The following ITGA8 variants were observed in gnomAD, a reference collection of about 807,000 sequenced individuals.
ITGA8 encodes integrin subunit alpha 8.
Under a neutral mutation model 142.3 loss-of-function variants are expected in ITGA8, and 91 were observed. The ratio of observed to expected loss-of-function variants is 0.64; its 90% CI spans 0.54 to 0.76. The LOEUF (loss-of-function observed/expected upper bound fraction) is 0.76. Ranked by LOEUF, ITGA8 falls within the 30% of genes least tolerant of loss-of-function variation. ITGA8 has a pLI of 0.00. For missense variants in ITGA8, 1,406 were observed against 1,327.7 expected, an observed-to-expected ratio of 1.06 and a Z score of -0.92; for synonymous variants, 505 against 485.2, an observed-to-expected ratio of 1.04 and a Z score of -0.54.
intron 2 of ITGA8, among the ~76,000 whole-genome samples, chr10:15,698,246 T>A (rs1386450599): frequency 6.6e-6 from 1 of 152,234 alleles, no homozygotes; most frequent in Non-Finnish European, 1.5e-5. Context: ...ATTTCATTCA[T>A]TTTTATGGCT....
chr10:15,652,614 A>C (rs1588699983), intron 11 of ITGA8, among the ~76,000 whole-genome samples: 1 of 152,184 alleles, frequency 6.6e-6, no homozygotes, highest in South Asian at 2.1e-4. Context: ...AGTCCACCTA[A>C]GTTGGAAATC....
chr10:15,629,867 G>A (rs1217093311), intron 13 of ITGA8, among the ~76,000 whole-genome samples: 1 of 152,050 alleles, frequency 6.6e-6, no homozygotes, highest in Non-Finnish European at 1.5e-5. Flanking sequence ...AGCAGAGGTT[G>A]CAGTGAGCCA....
intron 29 of ITGA8, among the ~76,000 whole-genome samples, chr10:15,518,216 A>G (rs1446715933): frequency 6.6e-6 from 1 of 152,172 alleles, no homozygotes; most frequent in Non-Finnish European, 1.5e-5. Flanking sequence ...TGGAACCTCA[A>G]TTCTTTCTTC....
At chr10:15,573,066 TTTC>T (rs749157342) in intron 24 of ITGA8, among the ~76,000 whole-genome samples, 11 of 152,222 alleles carry the variant, frequency 7.2e-5, no homozygotes, top group Non-Finnish European at 1.0e-4. Context: ...CAGCAGGGAT[TTTC>T]TTCTTTTTCT....
intron 25 of ITGA8, among the ~76,000 whole-genome samples, chr10:15,565,342 T>G (rs1181125388): frequency 6.6e-6 from 1 of 152,056 alleles, no homozygotes; most frequent in Non-Finnish European, 1.5e-5. Flanking sequence ...TCTAAAATAA[T>G]AAACAGCTAA....
intron 4 of ITGA8, among the ~76,000 whole-genome samples, chr10:15,683,466 G>C (rs566383783): frequency 5.3e-5 from 8 of 152,310 alleles, no homozygotes; most frequent in African/African-American, 1.9e-4. Context: ...AGAACTGCCA[G>C]ATGAGATTTG....
chr10:15,640,094 G>C (rs1421657924), intron 13 of ITGA8, among the ~76,000 whole-genome samples: 1 of 152,208 alleles, frequency 6.6e-6, no homozygotes, highest in Non-Finnish European at 1.5e-5. Context: ...CTGGGCAAGA[G>C]AACTGCAACC....
At chr10:15,568,866 G>A (rs1392924084) in intron 25 of ITGA8, among the ~76,000 whole-genome samples, 1 of 152,218 alleles carries the variant, frequency 6.6e-6, no homozygotes. Flanking sequence ...ACATTAGGTG[G>A]AAATCGATTT....
intron 13 of ITGA8, among the ~76,000 whole-genome samples, chr10:15,638,920 A>G (rs1234025652): frequency 6.6e-6 from 1 of 151,970 alleles, no homozygotes; most frequent in Non-Finnish European, 1.5e-5. Flanking sequence ...TGAGGCCAGG[A>G]GTTTGAAACC....
chr10:15,574,464 C>G (rs1834244543), intron 24 of ITGA8, among the ~76,000 whole-genome samples: 1 of 152,152 alleles, frequency 6.6e-6, no homozygotes, highest in Non-Finnish European at 1.5e-5. Context: ...GATCTCGGCT[C>G]ACTGCAACCT....
Position 15,538,524 on chromosome 10 carries a change from A to AC in ITGA8, c.2881-7374_2881-7373insG, listed in dbSNP as rs1564342007. ...GAGACTCCGTCTCGAAAAAAAAAAA[A>AC]AAAAAAACTATAGTTAAGAAAATTG... is the stretch of plus-strand genomic sequence containing the variant. On this transcript the variant is annotated intron_variant, in intron 27 of 29. Coordinates refer to ENST00000378076, the MANE Select transcript of ITGA8 (RefSeq NM_003638.3). 3.3e-5 allele frequency among the ~76,000 whole-genome samples: 5 copies of AC among 151,026 alleles called. 1 individual carries two copies. The highest frequency in any genetic ancestry group is 1.2e-4 in the African/African-American group (5 of 40,878).
At chr10:15,594,964 A>T (rs1404893465) in intron 21 of ITGA8, among the ~76,000 whole-genome samples, 5 of 152,192 alleles carry the variant, frequency 3.3e-5, no homozygotes, top group Non-Finnish European at 7.3e-5. Flanking sequence ...TAAGAGGTGC[A>T]TGTGTCCTTA....
chr10:15,577,503 A>G (rs368152847), intron 23 of ITGA8, among the ~76,000 whole-genome samples: 2 of 152,276 alleles, frequency 1.3e-5, no homozygotes, highest in South Asian at 2.1e-4. Flanking sequence ...TTCCTGGCAC[A>G]GTTCTGTAAC....
At chr10:15,672,030 C>T (rs956035148) in intron 7 of ITGA8, among the ~76,000 whole-genome samples, 10 of 152,076 alleles carry the variant, frequency 6.6e-5, no homozygotes, top group African/African-American at 2.4e-4. Context: ...GAAAGATTTC[C>T]TTTGGGCTCA....
At chr10:15,696,524 A>T (rs999048567) in intron 2 of ITGA8, among the ~76,000 whole-genome samples, 3 of 152,206 alleles carry the variant, frequency 2.0e-5, no homozygotes, top group Non-Finnish European at 4.4e-5. Flanking sequence ...CTGAGCCTCA[A>T]ATTAAAGCAG....
At chr10:15,652,496 A>G (rs1386148756) in intron 11 of ITGA8, among the ~76,000 whole-genome samples, 1 of 151,576 alleles carries the variant, frequency 6.6e-6, no homozygotes, top group Non-Finnish European at 1.5e-5. Context: ...TTTTTAAGAA[A>G]CCTTGTTTTT....
intron 2 of ITGA8, among the ~76,000 whole-genome samples, chr10:15,710,595 C>T (rs369868007): frequency 5.9e-5 from 9 of 152,268 alleles, no homozygotes; most frequent in Non-Finnish European, 7.4e-5. Context: ...TGTGGCAACA[C>T]GTGTGTATGC....
At chr10:15,681,284 G>A (rs1468439739) in intron 4 of ITGA8, among the ~76,000 whole-genome samples, 1 of 151,906 alleles carries the variant, frequency 6.6e-6, no homozygotes, top group African/African-American at 2.4e-5. Flanking sequence ...TTAATGATCT[G>A]TGAACTTCTT....
Position 15,719,832 on chromosome 10 carries a change from C to G in ITGA8, c.-61G>C. 8.3e-7 allele frequency: 1 copy of G among 1,212,118 alleles called. No homozygotes were observed. Among genetic ancestry groups the G allele is most frequent in the Non-Finnish European group, 1.1e-6 (1 of 951,450 alleles). 75.1% of individuals were successfully genotyped at this position (1,212,118 alleles called of 1,614,324 possible). On this transcript the variant is annotated 5_prime_UTR_variant, in exon 1 of 30. Coordinates refer to ENST00000378076, the MANE Select transcript of ITGA8 (RefSeq NM_003638.3). ...GCGCGAGCCGAGGACCCCTGCGGGG[C>G]AAGGGGGGCTGGTGGAATCTGGCGG...
Sources: gnomAD v4.1 joint callset for allele counts (sites outside exome capture counted in the v4.1 genomes callset) on GRCh38, gnomAD v4.1.1 for gene constraint, MANE v1.5 for transcripts, NCBI Gene and HGNC (gene_info 2026-07-23, HGNC 2026-07-21) for gene names.